Variants in KLC2 observed in about 807,000 individuals in gnomAD.
KLC2 encodes the protein kinesin light chain 2, also known as KLC 2.
In KLC2, 35 loss-of-function variants were observed where a neutral mutation model predicts 75.1. The observed-to-expected ratio is 0.47, with a 90% CI of 0.36 to 0.62. The LOEUF (loss-of-function observed/expected upper bound fraction) is 0.62, where lower values mean the gene tolerates loss of function less well. Among genes scored for constraint, KLC2 ranks in the 20% least tolerant of loss-of-function variants. The pLI is 0.00. For synonymous variants in KLC2, 314 were observed against 336.7 expected (o/e 0.93, Z 0.74); for missense variants, 611 against 833.2 (o/e 0.73, Z 3.28).
intron 15 of KLC2, 108 bp from the exon 16 acceptor site, chr11:66,266,764 GC>G: frequency 1.7e-6 from 2 of 1,176,228 alleles, no homozygotes; most frequent in Non-Finnish European, 1.3e-6. Context: ...CATTGCCTCT[GC>G]CCAGCTCAGG....
rs754740944 is a variant in KLC2, at chr11:66,261,903, C to G, written c.390C>G (p.Leu130=). 6 of 1,614,132 alleles carry G rather than the reference C, an allele frequency of 3.7e-6. No homozygotes were observed. Among genetic ancestry groups the G allele is most frequent in the Non-Finnish European group, 5.1e-6 (6 of 1,180,026 alleles). ...LQRSEQAVAQ[L]EEEKQHLLFM... is the part of the protein sequence containing the mutation. Reference sequence around the variant, plus strand: ...GCAGTGAGCAGGCCGTGGCCCAGCTCGAGGAGGAGAAGCAGCACTTGCTGT... The same window carrying G: ...GCAGTGAGCAGGCCGTGGCCCAGCTGGAGGAGGAGAAGCAGCACTTGCTGT... Residue 130 remains leucine, a synonymous_variant, in exon 3 of 16, where the codon CTC becomes CTG. Coordinates refer to ENST00000394067, the MANE Select transcript of KLC2 (RefSeq NM_001318734.2).
chr11:66,265,559 G>A (rs979193224), intron 11 of KLC2, 96 bp from the exon 12 acceptor site: 118 of 985,886 alleles, frequency 1.2e-4, no homozygotes, highest in Non-Finnish European at 1.5e-4. Flanking sequence ...TGGCTACCCC[G>A]GAGGTCCATG....
At chr11:66,245,837 G>A in the KLC2 span, among the ~76,000 whole-genome samples, 2 of 152,228 alleles carry the variant, frequency 1.3e-5, no homozygotes, top group Non-Finnish European at 2.9e-5. Flanking sequence ...AGCTGAGATC[G>A]TGCCACCGCA....
At chr11:66,262,421 G>C in intron 4 of KLC2, 1 of 578,476 alleles carries the variant, frequency 1.7e-6, no homozygotes, top group Non-Finnish European at 3.1e-6. Context: ...TTCCAGTGCT[G>C]CTCTGCCACT....
the KLC2 span, among the ~76,000 whole-genome samples, chr11:66,248,312 C>T: frequency 1.3e-5 from 2 of 152,060 alleles, no homozygotes; most frequent in Non-Finnish European, 2.9e-5. Flanking sequence ...TCGTGATGCA[C>T]GATTATTAAC....
At chr11:66,263,224 T>C (rs1479904884) in intron 5 of KLC2, among the ~76,000 whole-genome samples, 188 bp downstream of exon 5, 7 of 152,052 alleles carry the variant, frequency 4.6e-5, no homozygotes, top group Non-Finnish European at 1.0e-4. Flanking sequence ...ACATGAGGAC[T>C]CCAGGGGTCC....
the KLC2 span, chr11:66,244,047 T>C: frequency 2.0e-5 from 3 of 152,322 alleles, no homozygotes; most frequent in African/African-American, 4.8e-5. Flanking sequence ...ACGCCAAGTC[T>C]CTTGGTTGTA....
chr11:66,246,677 T>C, the KLC2 span, among the ~76,000 whole-genome samples: 12 of 152,130 alleles, frequency 7.9e-5, no homozygotes, highest in Non-Finnish European at 1.3e-4. Context: ...AGAGCAAAAC[T>C]CTTCCAAAGA....
intron 2 of KLC2, among the ~76,000 whole-genome samples, chr11:66,259,297 G>A (rs1401062810): frequency 1.3e-5 from 2 of 152,214 alleles, no homozygotes; most frequent in African/African-American, 4.8e-5. Context: ...GCAGAGAAAA[G>A]AACAAGATTT....
chr11:66,262,880 G>A lies in KLC2; in HGVS notation c.596G>A (p.Arg199His), dbSNP rs765912653. ...HGGYEIPARL[R>H]TLHNLVIQYA... ...GGCTACGAGATCCCGGCCCGGCTCC[G>A]CACCCTGCACAACCTGGTGATCCAA... The change falls in exon 5 of 16, where the codon CGC (arginine) becomes CAC (histidine). Residue 199 changes from arginine to histidine, a missense_variant. Coordinates refer to ENST00000394067, the MANE Select transcript of KLC2 (RefSeq NM_001318734.2). The A allele has an allele frequency of 6.2e-6, 10 of 1,613,424 alleles. No homozygotes were observed. The highest frequency in any genetic ancestry group is 1.3e-5 in the African/African-American group (1 of 74,694).
At chr11:66,264,583 C>A in intron 9 of KLC2, 139 bp downstream of exon 9, 5 of 692,294 alleles carry the variant, frequency 7.2e-6, no homozygotes, top group Non-Finnish European at 1.3e-5. Flanking sequence ...TCAGATGGTG[C>A]CCAGCCACCT....
intron 2 of KLC2, 117 bp downstream of exon 2, chr11:66,258,939 A>G (rs550526509): frequency 2.9e-6 from 2 of 697,618 alleles, no homozygotes; most frequent in Non-Finnish European, 4.8e-6. Context: ...CTGGAGCCCC[A>G]TGTTAGGACC....
Position 66,265,253 on chromosome 11 carries a change from G to GGGCT in KLC2, c.1334+21_1334+24dup. 1 of 1,538,684 alleles carries GGGCT rather than the reference G, an allele frequency of 6.5e-7. No individual in the cohort carries two copies. The highest frequency in any genetic ancestry group is 9.0e-7 in the Non-Finnish European group (1 of 1,111,626). ...GTAGACAGGTGAGTGGGGCGGGGCT[G>GGGCT]GGCTGGGGAGCAGGGCACGGCAGGG... On this transcript the variant is annotated intron_variant, in intron 11 of 15. Coordinates refer to ENST00000394067, the MANE Select transcript of KLC2 (RefSeq NM_001318734.2).
At chr11:66,247,239 C>T in the KLC2 span, among the ~76,000 whole-genome samples, 3 of 152,292 alleles carry the variant, frequency 2.0e-5, no homozygotes, top group South Asian at 6.2e-4. Flanking sequence ...GCAATAGGCT[C>T]CTAATTATCC....
chr11:66,256,085 T>C (rs565829219), upstream of KLC2, among the ~76,000 whole-genome samples: 2 of 152,206 alleles, frequency 1.3e-5, no homozygotes, highest in African/African-American at 4.8e-5. Flanking sequence ...CTTTTGAATG[T>C]TGCACAAATG....
At chr11:66,252,385 G>A (rs535574854), upstream of KLC2, among the ~76,000 whole-genome samples, 648 of 141,606 alleles carry the variant, frequency 4.6e-3, 4 homozygotes, top group Middle Eastern at 0.011. Flanking sequence ...TCCCGGGTTC[G>A]CGCCATTCTC....
Position 66,266,463 on chromosome 11 carries a change from C to G in KLC2, c.1758C>G (p.Leu586=). 1 of 1,613,096 alleles carries G rather than the reference C, an allele frequency of 6.2e-7. No homozygotes were observed. Among genetic ancestry groups the G allele is most frequent in the Non-Finnish European group, 8.5e-7 (1 of 1,179,408 alleles). Residue 586 remains leucine (L), a synonymous_variant, in exon 15 of 16, where the codon CTC becomes CTG. Coordinates refer to ENST00000394067, the MANE Select transcript of KLC2 (RefSeq NM_001318734.2). ...RMKRASSLNF[L]NKSVEEPTQP... ...AGCGGGCCAGTTCCCTCAACTTCCT[C>G]AACAAGAGCGTGGAAGAGCCGACCC... is the stretch of plus-strand genomic sequence containing the variant.
upstream of KLC2, among the ~76,000 whole-genome samples, chr11:66,253,316 C>G (rs1855978669): frequency 6.6e-6 from 1 of 151,990 alleles, no homozygotes; most frequent in African/African-American, 2.4e-5. Flanking sequence ...CAAAAGTGCC[C>G]CAGCCACTTC....
Position 66,267,845 on chromosome 11 carries a change from G to T in KLC2, c.*889G>T. 2.3e-6 allele frequency: 1 copy of T among 433,698 alleles called. No individual in the cohort carries two copies. 26.9% of individuals were successfully genotyped at this position (433,698 alleles called of 1,614,324 possible). A position where few individuals can be genotyped will look rare whatever the true frequency, so the allele number is the denominator to read the frequency against. On this transcript the variant is annotated 3_prime_UTR_variant, in exon 16 of 16. Transcript: ENST00000394067. The stretch of plus-strand genomic sequence containing the variant: ...TTTCAGATGTTGCTGTAGAAATAAA[G>T]ACGGTTTAAATCTGAGCTGGGCTTG...
Sources: allele counts gnomAD v4.1 joint callset (sites outside exome capture counted in the v4.1 genomes callset), GRCh38; gene constraint gnomAD v4.1.1; transcripts MANE v1.5; gene names NCBI Gene and HGNC (gene_info 2026-07-23, HGNC 2026-07-21).